The following CNR2 variants were observed in gnomAD, a reference collection of about 807,000 sequenced individuals.
CNR2 encodes cannabinoid receptor 2.
For missense variants in CNR2, 379 were observed against 439.9 expected (o/e 0.86, Z 1.24); for synonymous variants, 172 against 182.2 (o/e 0.94, Z 0.45).
chr1:23,890,577 C>T (rs867820325), intron 1 of CNR2, among the ~76,000 whole-genome samples: 2 of 151,968 alleles, frequency 1.3e-5, no homozygotes, highest in Non-Finnish European at 2.9e-5. Flanking sequence ...GAAACCCCAT[C>T]TCTACTAAAA....
At chr1:23,902,881 C>T (rs1228131652) in intron 1 of CNR2, 1 of 1,158,360 alleles carries the variant, frequency 8.6e-7, no homozygotes, top group Admixed American at 4.7e-5. Flanking sequence ...GGACCGCGGC[C>T]GCGGCGCTGG....
chr1:23,886,338 A>G (rs545193611), intron 1 of CNR2, among the ~76,000 whole-genome samples: 6 of 152,318 alleles, frequency 3.9e-5, no homozygotes, highest in African/African-American at 1.4e-4. Flanking sequence ...ACAGGTAGAT[A>G]CGGCCCTGTC....
intron 1 of CNR2, among the ~76,000 whole-genome samples, chr1:23,881,985 A>C (rs28404091): frequency 6.6e-6 from 1 of 150,594 alleles, no homozygotes; most frequent in Non-Finnish European, 1.5e-5. Flanking sequence ...GCAGTGGAGC[A>C]GTCTTGGCTC....
intron 1 of CNR2, among the ~76,000 whole-genome samples, chr1:23,912,346 C>T (rs925190665): frequency 6.6e-6 from 1 of 152,152 alleles, no homozygotes; most frequent in Admixed American, 6.5e-5. Flanking sequence ...GTGGTCTCCC[C>T]ATCTATAAAA....
At chr1:23,902,862 T>C (rs1640425531) in intron 1 of CNR2, 26 of 1,211,388 alleles carry the variant, frequency 2.1e-5, no homozygotes, top group Non-Finnish European at 2.7e-5. Context: ...CCGGCGTTGC[T>C]GTGGGCTAGG....
At chr1:23,893,146 C>T (rs7512373) in intron 1 of CNR2, among the ~76,000 whole-genome samples, 148,529 of 152,320 alleles carry the variant, frequency 0.98, 72,499 homozygotes, top group East Asian at 1. Flanking sequence ...CCTGTGGGGC[C>T]GAAGGATTCC....
At chr1:23,897,703 A>G (rs1483937820) in intron 1 of CNR2, among the ~76,000 whole-genome samples, 12 of 151,618 alleles carry the variant, frequency 7.9e-5, no homozygotes, top group Admixed American at 2.6e-4. Context: ...CTTGTGATCC[A>G]CCCGCCTTAG....
chr1:23,901,453 G>A, intron 1 of CNR2: 3 of 1,532,810 alleles, frequency 2.0e-6, no homozygotes, highest in Non-Finnish European at 1.8e-6. Flanking sequence ...CCGACCTGCT[G>A]CAGCCTCCCC....
intron 1 of CNR2, among the ~76,000 whole-genome samples, chr1:23,901,039 TC>T (rs1254607344): frequency 1.6e-4 from 1 of 6,106 alleles, no homozygotes; most frequent in Non-Finnish European, 3.1e-3. Flanking sequence ...AGTAACTCTT[TC>T]TTTTTTTAAT....
chr1:23,875,525 G>A lies in CNR2; in HGVS notation c.93C>T (p.Pro31=). ...ACAACACAGCAACAGCTGTCTTCTG[G>A]GGACCACTCAGGATCATGTAATCCT... ...PMKDYMILSG[P]QKTAVAVLCT... is the part of the protein sequence containing the mutation. Residue 31 remains proline (P), a synonymous_variant, in exon 2 of 2, where the codon CCC becomes CCT. Transcript: ENST00000374472. 1 of 1,614,072 alleles carries A rather than the reference G, an allele frequency of 6.2e-7. No individual in the cohort carries two copies.
chr1:23,908,619 C>T (rs1640537369), intron 1 of CNR2, among the ~76,000 whole-genome samples: 1 of 152,178 alleles, frequency 6.6e-6, no homozygotes, highest in South Asian at 2.1e-4. Context: ...GGTTTGACTC[C>T]TGTCTCTGCC....
chr1:23,900,555 AG>A (rs1640381661), intron 1 of CNR2, among the ~76,000 whole-genome samples: 1 of 135,372 alleles, frequency 7.4e-6, no homozygotes, highest in Non-Finnish European at 1.5e-5. Flanking sequence ...TGCCCAGGCT[AG>A]GGTGCAATGG....
intron 1 of CNR2, among the ~76,000 whole-genome samples, chr1:23,876,010 T>C (rs1639868377): frequency 6.6e-6 from 1 of 152,044 alleles, no homozygotes; most frequent in Non-Finnish European, 1.5e-5. Flanking sequence ...AGAAATGGAA[T>C]CTAGAGTGAT....
chr1:23,905,667 A>C (rs1570723105), intron 1 of CNR2, among the ~76,000 whole-genome samples: 1 of 152,060 alleles, frequency 6.6e-6, no homozygotes, highest in Admixed American at 6.6e-5. Flanking sequence ...GGACAAAGGG[A>C]CAAGCTGGGC....
At chr1:23,912,540 C>T (rs1640603629) in intron 1 of CNR2, among the ~76,000 whole-genome samples, 1 of 152,268 alleles carries the variant, frequency 6.6e-6, no homozygotes, top group African/African-American at 2.4e-5. Context: ...CGCATGATTT[C>T]AGGTGGGTCA....
intron 1 of CNR2, among the ~76,000 whole-genome samples, chr1:23,908,821 A>G (rs1181292181): frequency 6.6e-6 from 1 of 152,152 alleles, no homozygotes; most frequent in Non-Finnish European, 1.5e-5. Context: ...GACGAACTCA[A>G]TGAATTTGGG....
chr1:23,894,536 C>T (rs971276097), intron 1 of CNR2, among the ~76,000 whole-genome samples: 5 of 150,978 alleles, frequency 3.3e-5, no homozygotes, highest in African/African-American at 1.2e-4. Context: ...GGCACAGTGG[C>T]TCACACCTGT....
Position 23,872,338 on chromosome 1 carries a change from A to G in CNR2, c.*2197T>C, listed in dbSNP as rs139587404. 23 of 152,060 alleles carry G rather than the reference A, an allele frequency of 1.5e-4. No homozygotes were observed. Among genetic ancestry groups the G allele is most frequent in the Non-Finnish European group, 3.1e-4 (21 of 68,010 alleles). 9.4% of individuals were successfully genotyped at this position (152,060 alleles called of 1,614,324 possible). On this transcript the variant is annotated 3_prime_UTR_variant, in exon 2 of 2. Transcript: ENST00000374472. ...ATCTTGATTTTGACTTCTGGCCTCC[A>G]GAATTATGAGACAGTAAATTTCTGT...
At position 23,875,048 on chromosome 1, in the gene CNR2, G is replaced by A. The variant is rs773596052; in HGVS notation, c.570C>T (p.Tyr190=). The change falls in exon 2 of 2, where the codon TAC becomes TAT. Residue 190 remains tyrosine (Y), a synonymous_variant. Coordinates refer to ENST00000374472, the MANE Select transcript of CNR2 (RefSeq NM_001841.3). ...SELFPLIPND[Y]LLSWLLFIAF... ...CGATGAACAGGAGCCAGCTCAGCAG[G>A]TAGTCATTGGGGATCAGTGGGAAAA... 11 of 1,606,330 alleles carry A rather than the reference G, an allele frequency of 6.8e-6. No individual in the cohort carries two copies. The highest frequency in any genetic ancestry group is 9.4e-6 in the Non-Finnish European group (11 of 1,176,462).
Sources: gnomAD v4.1 joint callset for allele counts (sites outside exome capture counted in the v4.1 genomes callset) on GRCh38, gnomAD v4.1.1 for gene constraint, MANE v1.5 for transcripts, NCBI Gene and HGNC (gene_info 2026-07-23, HGNC 2026-07-21) for gene names.